MKX: variants seen among roughly 807,000 people sequenced by gnomAD.
MKX encodes homeobox protein Mohawk.
In MKX, 13 loss-of-function variants were observed where a neutral mutation model predicts 36.0. That is an observed-to-expected ratio of 0.36 (90% CI 0.24 to 0.57). The LOEUF (loss-of-function observed/expected upper bound fraction) is 0.57. MKX is among the 20% of genes least tolerant of loss of function. The pLI is 0.79. For synonymous variants in MKX, 176 were observed against 178.3 expected, an observed-to-expected ratio of 0.99 and a Z score of 0.10; for missense variants, 458 against 456.4, an observed-to-expected ratio of 1.00 and a Z score of -0.03.
intron 5 of MKX, among the ~76,000 whole-genome samples, chr10:27,711,481 T>TTCTTTCTC (rs1554772187): frequency 5.7e-5 from 1 of 17,682 alleles, no homozygotes; most frequent in African/African-American, 1.6e-4. Context: ...CTTTCTTTCT[T>TTCTTTCTC]TCTCTCTCTC....
chr10:27,724,334 G>T (rs1337688270), intron 5 of MKX, among the ~76,000 whole-genome samples: 2 of 152,138 alleles, frequency 1.3e-5, no homozygotes, highest in East Asian at 3.9e-4. Flanking sequence ...CGGAAGACAT[G>T]AAAAAAGTGC....
chr10:27,679,860 C>G (rs1478444800), intron 5 of MKX, among the ~76,000 whole-genome samples: 2 of 152,006 alleles, frequency 1.3e-5, no homozygotes, highest in African/African-American at 2.4e-5. Flanking sequence ...AACTTATCAG[C>G]TCTTCTCTGG....
At chr10:27,708,907 G>A (rs11015959) in intron 5 of MKX, among the ~76,000 whole-genome samples, 34,946 of 152,100 alleles carry the variant, frequency 0.23, 5,635 homozygotes, top group East Asian at 0.49. Flanking sequence ...AGTGGCTCAC[G>A]CCTGTAATCC....
chr10:27,688,576 C>G (rs1477032655), intron 5 of MKX, among the ~76,000 whole-genome samples: 1 of 152,162 alleles, frequency 6.6e-6, no homozygotes, highest in Non-Finnish European at 1.5e-5. Context: ...ATCCATGAAA[C>G]CTAGATTTCC....
At chr10:27,732,120 A>G (rs1322737948) in intron 5 of MKX, among the ~76,000 whole-genome samples, 1 of 152,210 alleles carries the variant, frequency 6.6e-6, no homozygotes, top group Non-Finnish European at 1.5e-5. Context: ...CAGTATTATA[A>G]AGAAAGATCT....
At chr10:27,687,651 C>T (rs1438202204) in intron 5 of MKX, among the ~76,000 whole-genome samples, 1 of 152,190 alleles carries the variant, frequency 6.6e-6, no homozygotes, top group Admixed American at 6.5e-5. Context: ...AGACCACCAC[C>T]CAGTGATCGT....
At chr10:27,691,212 T>G (rs563783697) in intron 5 of MKX, among the ~76,000 whole-genome samples, 67 of 152,216 alleles carry the variant, frequency 4.4e-4, no homozygotes, top group African/African-American at 1.4e-3. Flanking sequence ...GAGAATGAAA[T>G]TGTCTGGGGA....
rs1233694615 is a variant in MKX, at chr10:27,744,996, G to T, written c.-83+711C>A. Reference sequence around the variant, plus strand: ...TAGCCTCGGTGATAAGTGTCAAAGAGAATTTTCGTGCTTGCAGCCCCTGTT... The same window carrying T: ...TAGCCTCGGTGATAAGTGTCAAAGATAATTTTCGTGCTTGCAGCCCCTGTT... On this transcript the variant is annotated intron_variant, in intron 1 of 6. Transcript: ENST00000419761. The surrounding 1 kb of genome is among the most constrained non-coding windows in gnomAD (Gnocchi z 5.6). 6.6e-6 allele frequency: 1 copy of T among 152,406 alleles called. No homozygotes were observed. The highest frequency in any genetic ancestry group is 1.5e-5 in the Non-Finnish European group (1 of 68,196). The allele number at this position is 152,406 out of a possible 1,614,324, so 9.4% of individuals were successfully genotyped here.
At chr10:27,694,527 A>AAAATATATATATATATATAT in intron 5 of MKX, among the ~76,000 whole-genome samples, 1 of 114,334 alleles carries the variant, frequency 8.7e-6, no homozygotes, top group African/African-American at 3.3e-5. Context: ...AAAAAAAAAA[A>AAAATATATATATATATATAT]ATATATATAT....
chr10:27,733,199 A>C (rs982163924), intron 5 of MKX, among the ~76,000 whole-genome samples: 1 of 152,138 alleles, frequency 6.6e-6, no homozygotes, highest in Non-Finnish European at 1.5e-5. Flanking sequence ...GGTTGATTTA[A>C]GTCTTTAGAA....
intron 2 of MKX, 98 bp downstream of exon 2, chr10:27,743,130 C>G (rs1348123927): frequency 2.3e-5 from 28 of 1,230,636 alleles, no homozygotes; most frequent in Non-Finnish European, 2.5e-5. Flanking sequence ...GGCCCTTTCC[C>G]GTCCACCCGC....
chr10:27,687,163 C>T (rs775992450), intron 5 of MKX, among the ~76,000 whole-genome samples: 19 of 152,190 alleles, frequency 1.2e-4, no homozygotes, highest in South Asian at 8.3e-4. Flanking sequence ...CGCACCACTA[C>T]GCCCGGCTAA....
At chr10:27,743,619 C>G (rs1013491916) in intron 1 of MKX, 122 bp from the exon 2 acceptor site, 12 of 556,242 alleles carry the variant, frequency 2.2e-5, no homozygotes, top group Non-Finnish European at 3.3e-5. Flanking sequence ...GCGGCGCCGC[C>G]GCAACTGGCA....
intron 5 of MKX, among the ~76,000 whole-genome samples, chr10:27,700,558 C>T (rs1208822245): frequency 6.6e-6 from 1 of 152,098 alleles, no homozygotes; most frequent in Admixed American, 6.6e-5. Flanking sequence ...TCCTCATTAC[C>T]CAAGAATCGA....
chr10:27,735,397 T>C, intron 3 of MKX, 23 bp from the exon 4 acceptor site: 1 of 1,591,780 alleles, frequency 6.3e-7, no homozygotes, highest in Non-Finnish European at 8.6e-7. Flanking sequence ...TATTTTTCAA[T>C]TAACAAAACT....
At chr10:27,719,348 A>G in intron 5 of MKX, among the ~76,000 whole-genome samples, 1 of 152,174 alleles carries the variant, frequency 6.6e-6, no homozygotes, top group East Asian at 1.9e-4. Flanking sequence ...AAGAATAAGT[A>G]GCCTACCAGG....
At chr10:27,676,183 AG>A (rs1836144810) in intron 5 of MKX, among the ~76,000 whole-genome samples, 1 of 151,770 alleles carries the variant, frequency 6.6e-6, no homozygotes, top group South Asian at 2.1e-4. Flanking sequence ...CTGAGGTGGG[AG>A]GATTGCTTGA....
intron 5 of MKX, among the ~76,000 whole-genome samples, chr10:27,719,412 C>T (rs890747270): frequency 3.3e-5 from 5 of 152,062 alleles, no homozygotes; most frequent in African/African-American, 9.7e-5. Flanking sequence ...CTAGGGCATA[C>T]CTCTTCTTCC....
chr10:27,720,763 T>C (rs1834358341), intron 5 of MKX, among the ~76,000 whole-genome samples: 2 of 152,148 alleles, frequency 1.3e-5, no homozygotes, highest in Admixed American at 6.6e-5. Context: ...AATGATGTTT[T>C]GTAGGACCTG....
Sources: gnomAD v4.1 joint callset for allele counts (sites outside exome capture counted in the v4.1 genomes callset) on GRCh38, gnomAD v4.1.1 for gene constraint, Gnocchi (gnomAD v3.1) non-coding constraint, MANE v1.5 for transcripts, NCBI Gene and HGNC (gene_info 2026-07-23, HGNC 2026-07-21) for gene names.